The following LY86 variants were observed in gnomAD, a reference collection of about 807,000 sequenced individuals.
The protein encoded by LY86 is MD-1, RP105-associated.
LY86 carries 20 observed loss-of-function variants against 17.3 expected under a neutral mutation model. The ratio of observed to expected loss-of-function variants is 1.15; its 90% CI spans 0.81 to 1.68. The LOEUF is 1.68. Ranked by LOEUF, LY86 falls within the 40% of genes most tolerant of loss-of-function variation. The pLI is 0.00. For synonymous variants in LY86, 74 were observed against 70.6 expected, an observed-to-expected ratio of 1.05 and a Z score of -0.24; for missense variants, 200 against 191.9, an observed-to-expected ratio of 1.04 and a Z score of -0.25.
intron 4 of LY86, among the ~76,000 whole-genome samples, chr6:6,653,686 G>C (rs1242719501): frequency 6.6e-6 from 1 of 152,222 alleles, no homozygotes; most frequent in African/African-American, 2.4e-5. Context: ...CTGGTGAACT[G>C]TGCTCCCCGG....
Position 6,650,646 on chromosome 6 carries a change from G to T in LY86, c.405+969G>T, listed in dbSNP as rs182605466. Among the ~76,000 whole-genome samples the T allele has an allele frequency of 2.6e-5, 4 of 152,260 alleles. No homozygotes were observed. The East Asian group carries it at 7.7e-4, about 29-fold the overall frequency. ...GAATCTTATGGAACAATATGAAAAGGATCACAAAAATGTGATTTTTTAAAA... is the reference window on the plus strand; with the variant it reads ...GAATCTTATGGAACAATATGAAAAGTATCACAAAAATGTGATTTTTTAAAA... On this transcript the variant is annotated intron_variant, in intron 4 of 4. Transcript: ENST00000230568.
chr6:6,654,504 G>A, intron 4 of LY86, 40 bp from the exon 5 acceptor site: 1 of 1,421,310 alleles, frequency 7.0e-7, no homozygotes, highest in Non-Finnish European at 9.9e-7. Flanking sequence ...TAATTGTACT[G>A]TGGGTCACAC....
chr6:6,596,328 A>G (rs562256340), intron 1 of LY86, among the ~76,000 whole-genome samples: 1 of 152,358 alleles, frequency 6.6e-6, no homozygotes, highest in African/African-American at 2.4e-5. Context: ...ATGGATGGGG[A>G]AAATGCTACT....
chr6:6,640,189 A>G lies in LY86; in HGVS notation c.353-9436A>G, dbSNP rs554035018. On this transcript the variant is annotated intron_variant, in intron 3 of 4. Transcript: ENST00000230568. ...TGTGCTGTGCCCATTCTTGGCAAAGAAAGATGGTAAGATGGCAAGGAGTCC... is the reference window on the plus strand; with the variant it reads ...TGTGCTGTGCCCATTCTTGGCAAAGGAAGATGGTAAGATGGCAAGGAGTCC... 2.1e-3 allele frequency among the ~76,000 whole-genome samples: 314 copies of G among 152,272 alleles called. 3 individuals carry two copies. The highest frequency in any genetic ancestry group is 3.7e-3 in the Non-Finnish European group (255 of 68,030).
At chr6:6,612,678 G>GT (rs1444559393) in intron 1 of LY86, among the ~76,000 whole-genome samples, 1 of 152,170 alleles carries the variant, frequency 6.6e-6, no homozygotes, top group African/African-American at 2.4e-5. Context: ...TGATTGGTCC[G>GT]TTTTGACAGG....
At chr6:6,628,030 T>C (rs980423823) in intron 3 of LY86, among the ~76,000 whole-genome samples, 2 of 149,228 alleles carry the variant, frequency 1.3e-5, no homozygotes, top group Non-Finnish European at 3.0e-5. Flanking sequence ...TTGTTTCAAA[T>C]TGGGACTTTT....
intron 1 of LY86, among the ~76,000 whole-genome samples, chr6:6,618,680 A>G (rs139110066): frequency 6.6e-6 from 1 of 152,328 alleles, no homozygotes; most frequent in East Asian, 1.9e-4. Context: ...TACATATCTG[A>G]GATGAAACCG....
intron 1 of LY86, among the ~76,000 whole-genome samples, chr6:6,591,001 C>T (rs551899602): frequency 6.6e-6 from 1 of 152,336 alleles, no homozygotes; most frequent in Non-Finnish European, 1.5e-5. Flanking sequence ...TCTTGTCACT[C>T]TAGGTTTTCC....
At chr6:6,642,622 T>A (rs949138139) in intron 3 of LY86, among the ~76,000 whole-genome samples, 2 of 152,166 alleles carry the variant, frequency 1.3e-5, no homozygotes, top group African/African-American at 4.8e-5. Context: ...GGCAAGTTTG[T>A]TATTACCTTA....
intron 4 of LY86, among the ~76,000 whole-genome samples, chr6:6,653,698 G>C (rs560664016): frequency 6.6e-6 from 1 of 152,202 alleles, no homozygotes; most frequent in African/African-American, 2.4e-5. Context: ...GCTCCCCGGG[G>C]TCTTCTCTGT....
chr6:6,588,968 A>C, intron 1 of LY86, 98 bp downstream of exon 1: 2 of 1,396,474 alleles, frequency 1.4e-6, no homozygotes, highest in Non-Finnish European at 1.9e-6. Flanking sequence ...GGGAGGGGAG[A>C]GGGGACCAGC....
chr6:6,654,733 C>A lies in LY86; in HGVS notation c.*106C>A. 7 of 977,312 alleles carry A rather than the reference C, an allele frequency of 7.2e-6. No individual in the cohort carries two copies. The highest frequency in any genetic ancestry group is 1.1e-5 in the Non-Finnish European group (7 of 634,236). 60.5% of individuals were successfully genotyped at this position (977,312 alleles called of 1,614,324 possible). On this transcript the variant is annotated 3_prime_UTR_variant, in exon 5 of 5. Coordinates refer to ENST00000230568, the MANE Select transcript of LY86 (RefSeq NM_004271.4). ...AGAAGCAGCTGATGACAGAGAGAGGCTCTACAAAGAAGCGCCCCCAAAGAG... is the reference window on the plus strand; with the variant it reads ...AGAAGCAGCTGATGACAGAGAGAGGATCTACAAAGAAGCGCCCCCAAAGAG...
intron 3 of LY86, among the ~76,000 whole-genome samples, chr6:6,644,650 CA>C (rs113727027): frequency 0.24 from 34,960 of 145,646 alleles, 4,171 homozygotes; most frequent in Middle Eastern, 0.37. Context: ...AGATCTGGGT[CA>C]AAAAAAAAAA....
At chr6:6,626,991 A>G (rs1761800781) in intron 3 of LY86, among the ~76,000 whole-genome samples, 1 of 152,128 alleles carries the variant, frequency 6.6e-6, no homozygotes, top group Admixed American at 6.5e-5. Context: ...TACAGCCTTG[A>G]AGAAAGGGCA....
At chr6:6,606,470 C>G (rs754602538) in intron 1 of LY86, among the ~76,000 whole-genome samples, 6 of 152,214 alleles carry the variant, frequency 3.9e-5, no homozygotes, top group Non-Finnish European at 8.8e-5. Flanking sequence ...ACCGCGCACC[C>G]GCACTCCTCA....
At chr6:6,594,947 A>G (rs1760651939) in intron 1 of LY86, among the ~76,000 whole-genome samples, 1 of 152,196 alleles carries the variant, frequency 6.6e-6, no homozygotes, top group African/African-American at 2.4e-5. Context: ...ACATAGAGCT[A>G]TGTCATAGAA....
intron 1 of LY86, among the ~76,000 whole-genome samples, chr6:6,615,662 C>T (rs962527446): frequency 9.7e-5 from 14 of 143,676 alleles, no homozygotes; most frequent in South Asian, 8.8e-4. Context: ...GTGGAGGTTG[C>T]AGTGAGCCAA....
intron 1 of LY86, among the ~76,000 whole-genome samples, chr6:6,612,487 T>C (rs1402506861): frequency 2.0e-5 from 3 of 151,458 alleles, no homozygotes; most frequent in African/African-American, 7.3e-5. Context: ...ACCCAAAGTG[T>C]AAACAACAAA....
chr6:6,631,095 C>T (rs1761891439), intron 3 of LY86, among the ~76,000 whole-genome samples: 1 of 152,046 alleles, frequency 6.6e-6, no homozygotes, highest in African/African-American at 2.4e-5. Context: ...AATGTTTTTA[C>T]TGGCAGCGCT....
Sources: gnomAD v4.1 joint callset for allele counts (sites outside exome capture counted in the v4.1 genomes callset) on GRCh38, gnomAD v4.1.1 for gene constraint, MANE v1.5 for transcripts, NCBI Gene and HGNC (gene_info 2026-07-23, HGNC 2026-07-21) for gene names.